AOPEP: variants seen among roughly 807,000 people sequenced by gnomAD.
AOPEP encodes aminopeptidase O.
A neutral mutation model predicts 98.1 loss-of-function variants in AOPEP; 77 were observed. That is an observed-to-expected ratio of 0.78 (90% confidence interval 0.65 to 0.95). The LOEUF (loss-of-function observed/expected upper bound fraction) is 0.95. AOPEP is among the 40% of genes least tolerant of loss of function. The pLI is 0.00. For missense variants in AOPEP, 1,024 were observed against 1,024.7 expected (o/e 1.00, Z 0.01); for synonymous variants, 346 against 365.3 (o/e 0.95, Z 0.60).
the AOPEP span, among the ~76,000 whole-genome samples, chr9:95,112,585 A>C: frequency 6.6e-6 from 1 of 152,214 alleles, no homozygotes. Flanking sequence ...GGGCTGGGTT[A>C]GGCTGTACCA....
intron 5 of AOPEP, among the ~76,000 whole-genome samples, chr9:94,905,137 C>G (rs577411816): frequency 6.6e-6 from 1 of 152,220 alleles, no homozygotes; most frequent in African/African-American, 2.4e-5. Context: ...GATGGACACA[C>G]AAAAAGGGAT....
At chr9:94,914,564 G>T (rs1358484876) in intron 5 of AOPEP, among the ~76,000 whole-genome samples, 1 of 151,222 alleles carries the variant, frequency 6.6e-6, no homozygotes, top group South Asian at 2.1e-4. Context: ...GTGTGTGTAT[G>T]TACAGGATAA....
At position 94,765,193 on chromosome 9, in the gene AOPEP, G is replaced by T. The variant is rs562001066; in HGVS notation, c.797+4613G>T. 6.0e-4 allele frequency among the ~76,000 whole-genome samples: 91 copies of T among 151,808 alleles called. No individual in the cohort carries two copies. In the East Asian group the frequency reaches 0.013, roughly 22 times the overall value. ...GCCCAGGCTGGTCTCGAACTCCTGG[G>T]CCCAAGCATTCCTCCCACCTCAGCC... On this transcript the variant is annotated intron_variant, in intron 2 of 16. Coordinates refer to ENST00000375315, the MANE Select transcript of AOPEP (RefSeq NM_001193329.3).
chr9:95,136,434 C>T, the AOPEP span, among the ~76,000 whole-genome samples: 12 of 151,680 alleles, frequency 7.9e-5, no homozygotes, highest in Non-Finnish European at 1.8e-4. Context: ...AGTTGATGCA[C>T]TGGACCTTAA....
chr9:94,881,729 A>G (rs753800563), intron 5 of AOPEP, among the ~76,000 whole-genome samples: 5 of 152,214 alleles, frequency 3.3e-5, no homozygotes, highest in Admixed American at 1.3e-4. Context: ...ATGCTTCACA[A>G]GCAGTGTTTC....
intron 10 of AOPEP, 140 bp downstream of exon 10, chr9:94,967,941 G>C (rs1248371192): frequency 1.4e-6 from 1 of 713,432 alleles, no homozygotes; most frequent in African/African-American, 1.8e-5. Flanking sequence ...CTGCCAGTGG[G>C]AGTACAGGAT....
intron 5 of AOPEP, among the ~76,000 whole-genome samples, chr9:94,843,048 G>A (rs1353022624): frequency 2.0e-5 from 3 of 152,090 alleles, no homozygotes; most frequent in Non-Finnish European, 4.4e-5. Context: ...CAATTTTGTG[G>A]GGTTTTTGAC....
At chr9:95,110,150 G>A in the AOPEP span, 2 of 691,202 alleles carry the variant, frequency 2.9e-6, no homozygotes, top group East Asian at 1.1e-4. Context: ...GGAGAACTAC[G>A]CAAGGGTTTT....
At chr9:94,856,968 G>A (rs1162370373) in intron 5 of AOPEP, among the ~76,000 whole-genome samples, 5 of 152,378 alleles carry the variant, frequency 3.3e-5, no homozygotes, top group Admixed American at 1.3e-4. Context: ...CCTTGGGGAC[G>A]TGACCTAACC....
At chr9:95,093,297 A>G in the AOPEP span, among the ~76,000 whole-genome samples, 2 of 152,230 alleles carry the variant, frequency 1.3e-5, no homozygotes, top group Non-Finnish European at 2.9e-5. Context: ...AACAAATGTC[A>G]GGGCACATGC....
chr9:95,122,710 C>T, the AOPEP span, among the ~76,000 whole-genome samples: 25 of 152,298 alleles, frequency 1.6e-4, no homozygotes, highest in African/African-American at 5.5e-4. Context: ...GAAAAAGAGG[C>T]GCGAGCTAAC....
chr9:94,908,644 A>T (rs1176315652), intron 5 of AOPEP, among the ~76,000 whole-genome samples: 1 of 152,202 alleles, frequency 6.6e-6, no homozygotes, highest in Non-Finnish European at 1.5e-5. Flanking sequence ...CTTATCAAGA[A>T]GACAGTGACC....
At chr9:95,042,060 C>G (rs1192976904) in intron 13 of AOPEP, among the ~76,000 whole-genome samples, 2 of 152,138 alleles carry the variant, frequency 1.3e-5, no homozygotes, top group African/African-American at 4.8e-5. Context: ...TGCCTGTAAT[C>G]CCAGCACTTT....
At chr9:95,008,196 T>G (rs937111842) in intron 13 of AOPEP, among the ~76,000 whole-genome samples, 2 of 152,222 alleles carry the variant, frequency 1.3e-5, no homozygotes, top group Admixed American at 1.3e-4. Context: ...CCCCTCCACA[T>G]TGCCCTTGCC....
Position 94,989,036 on chromosome 9 carries a change from A to G in AOPEP, c.1977+9609A>G, listed in dbSNP as rs1227508242. 2.6e-5 allele frequency among the ~76,000 whole-genome samples: 4 copies of G among 151,362 alleles called. No homozygotes were observed. In the East Asian group the frequency reaches 7.8e-4, roughly 29 times the overall value. On this transcript the variant is annotated intron_variant, in intron 11 of 16. Coordinates refer to ENST00000375315, the MANE Select transcript of AOPEP (RefSeq NM_001193329.3). ...CAATTCTCCTGCCTCAGCGGGGGCA[A>G]ACTCTCAGGTAGCTGGGATTACAGG...
At chr9:94,758,420 A>T (rs562778480) in intron 1 of AOPEP, among the ~76,000 whole-genome samples, 1 of 152,334 alleles carries the variant, frequency 6.6e-6, no homozygotes, top group Admixed American at 6.5e-5. Context: ...TAGTCTGTGG[A>T]GAGAGGTAGA....
chr9:95,091,509 GGGGCACGGA>G (rs1224644669), downstream of AOPEP, among the ~76,000 whole-genome samples: 2 of 152,210 alleles, frequency 1.3e-5, no homozygotes, highest in African/African-American at 2.4e-5. Context: ...TCACTGTATA[GGGGCACGGA>G]GACGGTGGCC....
At chr9:94,810,993 T>C (rs775674414) in intron 5 of AOPEP, among the ~76,000 whole-genome samples, 2 of 152,196 alleles carry the variant, frequency 1.3e-5, no homozygotes, top group African/African-American at 4.8e-5. Flanking sequence ...ACCTCCTCCT[T>C]TGACCCCTCA....
chr9:94,748,778 G>A (rs1835072277), intron 1 of AOPEP, among the ~76,000 whole-genome samples: 2 of 152,044 alleles, frequency 1.3e-5, no homozygotes, highest in Admixed American at 6.5e-5. Flanking sequence ...CCTCAGTATG[G>A]GTTTGTCTGA....
Sources: allele counts gnomAD v4.1 joint callset (sites outside exome capture counted in the v4.1 genomes callset), GRCh38; gene constraint gnomAD v4.1.1; transcripts MANE v1.5; gene names NCBI Gene and HGNC (gene_info 2026-07-23, HGNC 2026-07-21).